Variants in RSPO2 observed in about 807,000 individuals in gnomAD.
RSPO2 encodes R-spondin 2.
RSPO2 carries 14 observed loss-of-function variants against 30.9 expected under a neutral mutation model. That is an observed-to-expected ratio of 0.45 (90% CI 0.30 to 0.71). The LOEUF (loss-of-function observed/expected upper bound fraction) is 0.71. Among genes scored for constraint, RSPO2 ranks in the 30% least tolerant of loss-of-function variants. The probability of loss-of-function intolerance (pLI) is 0.08; values close to 1 mark genes in which losing one functional copy is unlikely to be tolerated. For synonymous variants in RSPO2, 107 were observed against 96.4 expected (o/e 1.11, Z -0.64); for missense variants, 264 against 301.9 (o/e 0.87, Z 0.93).
At chr8:107,972,636 G>C (rs1814041081) in intron 3 of RSPO2, among the ~76,000 whole-genome samples, 1 of 151,984 alleles carries the variant, frequency 6.6e-6, no homozygotes, top group Non-Finnish European at 1.5e-5. Flanking sequence ...AGAAATAAGG[G>C]TGGGAGGGAG....
rs559945268 is a variant in RSPO2, at chr8:107,989,237, A to G, written c.102T>C (p.Tyr34=). The G allele has an allele frequency of 1.2e-5, 19 of 1,555,200 alleles. No individual in the cohort carries two copies. The South Asian group carries it at 2.1e-4, about 17-fold the overall frequency. ...AACCCTTGCAAATGGGATTTGATAC[A>G]TAACTAGCTGTAAAAGAAAAACAAA... ...NRWRRSKRAS[Y]VSNPICKGCL... The change falls in exon 3 of 6, where the codon TAT becomes TAC. Residue 34 remains tyrosine, a synonymous_variant. Transcript: ENST00000276659.
At position 107,989,172 on chromosome 8, in the gene RSPO2, T is replaced by C; in HGVS notation, c.167A>G (p.Gln56Arg). Residue 56 changes from glutamine to arginine, a missense_variant, in exon 3 of 6, where the codon CAA becomes CGA. Physicochemically the swap from Gln to Arg is conservative, Grantham distance 43 (BLOSUM62 1). Coordinates refer to ENST00000276659, the MANE Select transcript of RSPO2 (RefSeq NM_178565.5). Reference sequence around the variant, plus strand: ...TCGAAGGAAGAAGAACAACTTCTGTTGACATCGGCTACACCCATTGTCCTT... The same window carrying C: ...TCGAAGGAAGAAGAACAACTTCTGTCGACATCGGCTACACCCATTGTCCTT... ...CSKDNGCSRC[Q>R]QKLFFFLRRE... is the part of the protein sequence containing the mutation. The C allele has an allele frequency of 6.2e-7, 1 of 1,611,994 alleles. No individual in the cohort carries two copies. Among genetic ancestry groups the C allele is most frequent in the Non-Finnish European group, 8.5e-7 (1 of 1,179,302 alleles).
At chr8:107,973,214 G>A (rs1321521411) in intron 3 of RSPO2, among the ~76,000 whole-genome samples, 1 of 151,352 alleles carries the variant, frequency 6.6e-6, no homozygotes, top group Non-Finnish European at 1.5e-5. Context: ...AGTTTGCAGT[G>A]AGCCGAGATC....
intron 2 of RSPO2, among the ~76,000 whole-genome samples, chr8:108,023,419 A>G (rs2130616657): frequency 6.6e-6 from 1 of 152,318 alleles, no homozygotes; most frequent in South Asian, 2.1e-4. Context: ...TTTGTCAAGG[A>G]AACCCGAGTT....
At chr8:108,056,639 A>AAAAAAAAAAAAAAAAAAAAAG (rs1812256195) in intron 2 of RSPO2, among the ~76,000 whole-genome samples, 1 of 149,040 alleles carries the variant, frequency 6.7e-6, no homozygotes, top group Non-Finnish European at 1.5e-5. Flanking sequence ...AAAAAAAAAA[A>AAAAAAAAAAAAAAAAAAAAAG]AAAAGAAAAG....
intron 2 of RSPO2, among the ~76,000 whole-genome samples, chr8:108,049,358 T>C (rs79418144): frequency 4.6e-5 from 7 of 152,092 alleles, no homozygotes; most frequent in Non-Finnish European, 8.8e-5. Context: ...GCTGGGACTT[T>C]TTTTTCTTTT....
At position 107,943,042 on chromosome 8, in the gene RSPO2, T is replaced by A. The variant is rs1812949224; in HGVS notation, c.616+15038A>T. ...TCAAAATTCAGTCCCAGTTAGCTGA[T>A]GAGATTTCATCAGGCTGCTTAAGCA... On this transcript the variant is annotated intron_variant, in intron 5 of 5. Coordinates refer to ENST00000276659, the MANE Select transcript of RSPO2 (RefSeq NM_178565.5). Among the ~76,000 whole-genome samples, 4 of 152,236 alleles carry A rather than the reference T, an allele frequency of 2.6e-5. No homozygotes were observed. The South Asian group carries it at 8.3e-4, about 31-fold the overall frequency.
intron 2 of RSPO2, among the ~76,000 whole-genome samples, chr8:108,045,303 G>A (rs139153690): frequency 6.3e-4 from 96 of 151,926 alleles, no homozygotes; most frequent in African/African-American, 2.1e-3. Flanking sequence ...AGACATAAGC[G>A]GCCAACATGA....
chr8:107,991,307 T>A (rs752350440), intron 2 of RSPO2, among the ~76,000 whole-genome samples: 17 of 149,926 alleles, frequency 1.1e-4, no homozygotes, highest in Non-Finnish European at 1.9e-4. Flanking sequence ...GGGGAAAAGA[T>A]TCACTATTCA....
chr8:107,983,372 C>T, intron 3 of RSPO2: 1 of 1,608,224 alleles, frequency 6.2e-7, no homozygotes, highest in Admixed American at 1.7e-5. Flanking sequence ...AGATTGAAAG[C>T]CCAGCAGAAC....
At chr8:107,931,643 T>TG (rs1812556197) in intron 5 of RSPO2, among the ~76,000 whole-genome samples, 1 of 152,204 alleles carries the variant, frequency 6.6e-6, no homozygotes, top group African/African-American at 2.4e-5. Flanking sequence ...GAGTATTTAA[T>TG]GGCACTCACT....
chr8:107,977,510 G>C (rs572263337), intron 3 of RSPO2, among the ~76,000 whole-genome samples: 1 of 152,122 alleles, frequency 6.6e-6, no homozygotes, highest in Non-Finnish European at 1.5e-5. Flanking sequence ...CCATCTTTGG[G>C]AATGATGGAG....
At chr8:108,075,654 T>C (rs1812986757) in intron 2 of RSPO2, among the ~76,000 whole-genome samples, 2 of 150,222 alleles carry the variant, frequency 1.3e-5, no homozygotes. Context: ...GAATGAGTAC[T>C]GGGCTGGGAA....
At chr8:107,902,275 CCT>C (rs1269352154) in intron 5 of RSPO2, among the ~76,000 whole-genome samples, 2 of 152,240 alleles carry the variant, frequency 1.3e-5, no homozygotes, top group Admixed American at 6.5e-5. Context: ...GGCTGTTCTT[CCT>C]CTCTTACTTT....
At chr8:107,908,526 G>A (rs913280223) in intron 5 of RSPO2, among the ~76,000 whole-genome samples, 5 of 152,114 alleles carry the variant, frequency 3.3e-5, no homozygotes, top group South Asian at 2.1e-4. Context: ...ACCACAAGGG[G>A]GCAATAATTC....
At chr8:108,068,278 C>A (rs574024048) in intron 2 of RSPO2, among the ~76,000 whole-genome samples, 32 of 152,326 alleles carry the variant, frequency 2.1e-4, no homozygotes, top group African/African-American at 7.7e-4. Flanking sequence ...AAACACCGTA[C>A]ACTTATAAAC....
chr8:107,916,746 G>GT, intron 5 of RSPO2, among the ~76,000 whole-genome samples: 1 of 152,270 alleles, frequency 6.6e-6, no homozygotes, highest in African/African-American at 2.4e-5. Context: ...TTATTTAATT[G>GT]TTTTTCCATA....
Position 108,069,481 on chromosome 8 carries a change from G to T in RSPO2, c.94+13064C>A, listed in dbSNP as rs140903130. Among the ~76,000 whole-genome samples the T allele has an allele frequency of 4.6e-3, 705 of 152,208 alleles. 4 individuals are homozygous for T. Among genetic ancestry groups the T allele is most frequent in the African/African-American group, 0.015 (614 of 41,512 alleles). On this transcript the variant is annotated intron_variant, in intron 2 of 5. Coordinates refer to ENST00000276659, the MANE Select transcript of RSPO2 (RefSeq NM_178565.5). ...CCCGCCTCGGCCTCCCACAGTGCTG[G>T]GATTACAGGTGTGAGCCACTACGCC...
chr8:107,961,670 C>G (rs1310318116), intron 3 of RSPO2, among the ~76,000 whole-genome samples: 3 of 152,168 alleles, frequency 2.0e-5, no homozygotes, highest in African/African-American at 4.8e-5. Flanking sequence ...ATATGCCTCT[C>G]TGAGCCTCTA....
Sources: gnomAD v4.1 joint callset for allele counts (sites outside exome capture counted in the v4.1 genomes callset) on GRCh38, gnomAD v4.1.1 for gene constraint, MANE v1.5 for transcripts, NCBI Gene and HGNC (gene_info 2026-07-23, HGNC 2026-07-21) for gene names.